MACROD2: variants seen among roughly 807,000 people sequenced by gnomAD.
MACROD2 encodes ADP-ribose glycohydrolase MACROD2.
Under a neutral mutation model 70.4 loss-of-function variants are expected in MACROD2, and 36 were observed. That is an observed-to-expected ratio of 0.51 (90% CI 0.39 to 0.68). The LOEUF is 0.68. Ranked by LOEUF, MACROD2 falls within the 30% of genes least tolerant of loss-of-function variation. The pLI is 0.00. For synonymous variants in MACROD2, 172 were observed against 178.8 expected (o/e 0.96, Z 0.30); for missense variants, 496 against 538.4 (o/e 0.92, Z 0.78).
intron 3 of MACROD2, among the ~76,000 whole-genome samples, chr20:14,408,452 C>G (rs1337413899): frequency 6.6e-6 from 1 of 152,306 alleles, no homozygotes; most frequent in South Asian, 2.1e-4. Context: ...CTTAAGTATG[C>G]TCCCGAGAGT....
chr20:14,327,051 G>T (rs749538042), intron 3 of MACROD2: 5 of 1,613,630 alleles, frequency 3.1e-6, no homozygotes. Flanking sequence ...GATAGTTGCT[G>T]TCTCGGAATG....
At chr20:14,978,498 CTTGCTAGTTTTCCCAGT>C (rs1283787426) in intron 5 of MACROD2, among the ~76,000 whole-genome samples, 1 of 151,846 alleles carries the variant, frequency 6.6e-6, no homozygotes. Context: ...ACCTTTTAAC[CTTGCTAGTTTTCCCAGT>C]TTGCCATTAT....
intron 5 of MACROD2, among the ~76,000 whole-genome samples, chr20:14,898,265 C>T (rs1380903558): frequency 2.6e-5 from 4 of 152,018 alleles, no homozygotes; most frequent in Non-Finnish European, 4.4e-5. Flanking sequence ...AGATAAGAGT[C>T]AGAAAATTTA....
In MACROD2 at chr20:15,178,506, C is replaced by A. The variant is rs541994109; in HGVS notation, c.419-51434C>A. 2.0e-5 allele frequency among the ~76,000 whole-genome samples: 3 copies of A among 152,314 alleles called. No homozygotes were observed. In the South Asian group the frequency reaches 6.2e-4, roughly 32 times the overall value. ...AGTTTGGCTCCAGCACCTATGCATG[C>A]ATATAACCCTTGCTCTAAGTTGTTA... On this transcript the variant is annotated intron_variant, in intron 5 of 17. Transcript: ENST00000684519.
intron 6 of MACROD2, among the ~76,000 whole-genome samples, chr20:15,421,798 G>A (rs2046232227): frequency 6.6e-6 from 1 of 152,198 alleles, no homozygotes; most frequent in Non-Finnish European, 1.5e-5. Context: ...AGGAAAGAGG[G>A]AATTGATGTT....
chr20:15,888,636 C>T (rs1392587297), intron 10 of MACROD2, among the ~76,000 whole-genome samples: 1 of 152,090 alleles, frequency 6.6e-6, no homozygotes, highest in Non-Finnish European at 1.5e-5. Context: ...ATTGGATCAC[C>T]ATTTCTGATT....
intron 5 of MACROD2, among the ~76,000 whole-genome samples, chr20:15,133,969 G>A (rs1265932479): frequency 4.3e-5 from 6 of 141,144 alleles, no homozygotes; most frequent in African/African-American, 1.6e-4. Flanking sequence ...GTGCAGTGGT[G>A]CCATCTCAGC....
At chr20:14,657,926 A>G (rs1222105038) in intron 4 of MACROD2, among the ~76,000 whole-genome samples, 2 of 151,818 alleles carry the variant, frequency 1.3e-5, no homozygotes, top group South Asian at 2.1e-4. Context: ...GTGGCTTAGC[A>G]TACTGAGCTG....
chr20:14,021,094 A>C (rs960894680), intron 2 of MACROD2, among the ~76,000 whole-genome samples: 1 of 143,264 alleles, frequency 7.0e-6, no homozygotes, highest in Non-Finnish European at 1.5e-5. Flanking sequence ...GGTTCACACC[A>C]TTCTCCTGCC....
intron 4 of MACROD2, among the ~76,000 whole-genome samples, chr20:14,548,697 G>A (rs1315622319): frequency 9.1e-5 from 1 of 11,042 alleles, no homozygotes; most frequent in Non-Finnish European, 2.2e-4. Flanking sequence ...CAGCCTGGGC[G>A]ACAGAGTGAG....
Position 15,031,665 on chromosome 20 carries a change from C to T in MACROD2, c.419-198275C>T, listed in dbSNP as rs1469797536. On this transcript the variant is annotated intron_variant, in intron 5 of 17. Transcript: ENST00000684519. The stretch of plus-strand genomic sequence containing the variant: ...AGTTGATTCCCGCAGCTGTTAGTAC[C>T]GTCTGTGTTAATCTGGCAGAGTTAG... Among the ~76,000 whole-genome samples the T allele has an allele frequency of 5.9e-5, 9 of 152,246 alleles. No individual in the cohort carries two copies. In the East Asian group the frequency reaches 1.6e-3, roughly 26 times the overall value.
At chr20:15,560,067 C>T (rs927181544) in intron 8 of MACROD2, among the ~76,000 whole-genome samples, 1 of 152,216 alleles carries the variant, frequency 6.6e-6, no homozygotes, top group Non-Finnish European at 1.5e-5. Context: ...CTTTCTGCCT[C>T]AAATCTCAAG....
At chr20:14,230,473 G>A (rs764170788) in intron 3 of MACROD2, among the ~76,000 whole-genome samples, 6 of 151,204 alleles carry the variant, frequency 4.0e-5, no homozygotes, top group Non-Finnish European at 5.9e-5. Context: ...TTTGTTGTGA[G>A]ACTGCAGCAA....
intron 8 of MACROD2, among the ~76,000 whole-genome samples, chr20:15,804,072 A>C (rs2063748364): frequency 6.6e-6 from 1 of 152,214 alleles, no homozygotes; most frequent in Non-Finnish European, 1.5e-5. Context: ...CAGTCTAATG[A>C]ATTGAGTATT....
rs1270659119 is a variant in MACROD2, at chr20:15,968,775, C to T, written c.985+1145C>T. On this transcript the variant is annotated intron_variant, in intron 13 of 17. Transcript: ENST00000684519. ...AATACATATATTTATATATTATAAA[C>T]ATATAATATTATATATTATGCGTAT... 8.6e-5 allele frequency among the ~76,000 whole-genome samples: 11 copies of T among 127,692 alleles called. No individual in the cohort carries two copies. The South Asian group carries it at 2.5e-3, about 29-fold the overall frequency. The allele number at this position is 127,692 out of a possible 152,430, so 83.8% of individuals were successfully genotyped here. A position where few individuals can be genotyped will look rare whatever the true frequency, so the allele number is the denominator to read the frequency against.
intron 3 of MACROD2, among the ~76,000 whole-genome samples, chr20:14,155,424 G>A (rs1051824339): frequency 1.3e-5 from 2 of 151,860 alleles, no homozygotes; most frequent in Non-Finnish European, 2.9e-5. Flanking sequence ...CCTTCCCATC[G>A]GTATGCTATT....
At chr20:15,982,456 G>A (rs911131239) in intron 13 of MACROD2, among the ~76,000 whole-genome samples, 7 of 151,982 alleles carry the variant, frequency 4.6e-5, no homozygotes, top group Admixed American at 6.6e-5. Context: ...TTCATGCTTC[G>A]GCCATGTGTG....
chr20:14,294,095 A>G (rs1461963825), intron 3 of MACROD2, among the ~76,000 whole-genome samples: 1 of 151,846 alleles, frequency 6.6e-6, no homozygotes, highest in Non-Finnish European at 1.5e-5. Flanking sequence ...TATTTGGTGT[A>G]GTGTTTCAAC....
chr20:15,709,521 G>C (rs934427339), intron 8 of MACROD2, among the ~76,000 whole-genome samples: 1 of 151,972 alleles, frequency 6.6e-6, no homozygotes, highest in Non-Finnish European at 1.5e-5. Flanking sequence ...AAATAAATTA[G>C]CTGGGCATGA....
Sources: gnomAD v4.1 joint callset for allele counts (sites outside exome capture counted in the v4.1 genomes callset) on GRCh38, gnomAD v4.1.1 for gene constraint, MANE v1.5 for transcripts, NCBI Gene and HGNC (gene_info 2026-07-23, HGNC 2026-07-21) for gene names.